The following ATE1 variants were observed in gnomAD, a reference collection of about 807,000 sequenced individuals.
ATE1 encodes the protein arginyl-tRNA--protein transferase 1.
ATE1 carries 36 observed loss-of-function variants against 70.5 expected under a neutral mutation model. That is an observed-to-expected ratio of 0.51 (90% CI 0.39 to 0.67). The LOEUF is 0.67. Ranked by LOEUF, ATE1 falls within the 30% of genes least tolerant of loss-of-function variation. The pLI is 0.00. For synonymous variants in ATE1, 232 were observed against 219.3 expected, an observed-to-expected ratio of 1.06 and a Z score of -0.51; for missense variants, 593 against 629.5, an observed-to-expected ratio of 0.94 and a Z score of 0.62.
chr10:121,878,602 AG>A (rs1310733660), intron 7 of ATE1, among the ~76,000 whole-genome samples: 1 of 148,152 alleles, frequency 6.7e-6, no homozygotes, highest in Non-Finnish European at 1.5e-5. Flanking sequence ...CAAAAAAAAA[AG>A]AAAAGAAAAG....
intron 10 of ATE1, among the ~76,000 whole-genome samples, chr10:121,827,377 G>A (rs1033020716): frequency 1.3e-5 from 2 of 152,032 alleles, no homozygotes; most frequent in Non-Finnish European, 2.9e-5. Flanking sequence ...ACTGCTGATG[G>A]CCCGCAATTC....
At chr10:121,746,053 T>C (rs1944357739) in intron 11 of ATE1, among the ~76,000 whole-genome samples, 1 of 152,116 alleles carries the variant, frequency 6.6e-6, no homozygotes, top group African/African-American at 2.4e-5. Context: ...TGCTAACCCT[T>C]CCCTTTGCGC....
At chr10:121,789,874 G>A (rs1456088050) in intron 11 of ATE1, among the ~76,000 whole-genome samples, 1 of 152,074 alleles carries the variant, frequency 6.6e-6, no homozygotes, top group Non-Finnish European at 1.5e-5. Context: ...CGTGATAGTT[G>A]GAAAAGATAT....
intron 8 of ATE1, among the ~76,000 whole-genome samples, chr10:121,864,959 C>T (rs1324294693): frequency 6.6e-6 from 1 of 152,132 alleles, no homozygotes; most frequent in Non-Finnish European, 1.5e-5. Flanking sequence ...GCTGATAGTA[C>T]CAAGGTTGAG....
chr10:121,908,740 C>A (rs573120920), intron 5 of ATE1, among the ~76,000 whole-genome samples: 19 of 152,292 alleles, frequency 1.2e-4, no homozygotes, highest in East Asian at 9.7e-4. Flanking sequence ...TGATCTTGCC[C>A]ATCCTCAAAT....
intron 11 of ATE1, among the ~76,000 whole-genome samples, chr10:121,745,260 A>G (rs956252575): frequency 6.6e-6 from 1 of 152,238 alleles, no homozygotes; most frequent in Non-Finnish European, 1.5e-5. Flanking sequence ...TCTACTTCTA[A>G]GAACAATCCT....
At chr10:121,778,060 C>A (rs1292903315) in intron 11 of ATE1, among the ~76,000 whole-genome samples, 1 of 152,166 alleles carries the variant, frequency 6.6e-6, no homozygotes, top group Non-Finnish European at 1.5e-5. Flanking sequence ...CTTTAATGAG[C>A]TGAATGCTAA....
At chr10:121,823,078 CAGG>C (rs1947862992) in intron 10 of ATE1, among the ~76,000 whole-genome samples, 1 of 152,094 alleles carries the variant, frequency 6.6e-6, no homozygotes, top group African/African-American at 2.4e-5. Flanking sequence ...ATCACAAGGT[CAGG>C]AGATCGAGAC....
At chr10:121,894,014 G>A (rs1950674607) in intron 7 of ATE1, among the ~76,000 whole-genome samples, 2 of 152,012 alleles carry the variant, frequency 1.3e-5, no homozygotes, top group Non-Finnish European at 2.9e-5. Flanking sequence ...GCACACGCCT[G>A]TAATCCCAGC....
At chr10:121,862,655 T>C (rs1427842357) in intron 8 of ATE1, among the ~76,000 whole-genome samples, 1 of 147,140 alleles carries the variant, frequency 6.8e-6, no homozygotes, top group Admixed American at 7.1e-5. Context: ...ATTACAAGCA[T>C]GAGCTAACGC....
At chr10:121,906,771 G>A (rs1951212492) in intron 5 of ATE1, among the ~76,000 whole-genome samples, 1 of 151,854 alleles carries the variant, frequency 6.6e-6, no homozygotes, top group Admixed American at 6.6e-5. Context: ...GCTAATTTTT[G>A]TATTTTTAAT....
At chr10:121,792,365 A>G (rs923993826) in intron 10 of ATE1, among the ~76,000 whole-genome samples, 1 of 152,150 alleles carries the variant, frequency 6.6e-6, no homozygotes, top group African/African-American at 2.4e-5. Flanking sequence ...GGCTTGTTGG[A>G]TAAGAGGGAG....
Position 121,790,006 on chromosome 10 carries a change from A to G in ATE1, c.1378+163T>C, listed in dbSNP as rs74158447. ...TGCCAAACTGCGTGAGTTTGTGTGC[A>G]TGTGCAAAGTCTTCCTCTATCTTAC... On this transcript the variant is annotated intron_variant, in intron 11 of 11. Coordinates refer to ENST00000224652, the MANE Select transcript of ATE1 (RefSeq NM_001001976.3). Among the ~76,000 whole-genome samples the G allele has an allele frequency of 7.4e-3, 1,056 of 142,790 alleles. 13 individuals carry two copies. Among genetic ancestry groups the G allele is most frequent in the African/African-American group, 0.025 (975 of 38,384 alleles). The allele number at this position is 142,790 out of a possible 152,430, so 93.7% of individuals were successfully genotyped here.
chr10:121,790,954 A>ATT (rs1946408690), intron 10 of ATE1, among the ~76,000 whole-genome samples: 1 of 58,732 alleles, frequency 1.7e-5, no homozygotes, highest in African/African-American at 5.7e-5. Flanking sequence ...ATATATGTGT[A>ATT]TATATATATG....
intron 1 of ATE1, chr10:121,927,103 G>C (rs1296533031): frequency 2.0e-6 from 2 of 985,192 alleles, no homozygotes; most frequent in Non-Finnish European, 2.4e-6. Flanking sequence ...GCAAATGCAT[G>C]GCAAGAGAGG....
At chr10:121,771,251 A>G (rs1173195678) in intron 11 of ATE1, among the ~76,000 whole-genome samples, 1 of 152,076 alleles carries the variant, frequency 6.6e-6, no homozygotes, top group East Asian at 1.9e-4. Context: ...TTGTATTTTT[A>G]GTAGAGACGG....
rs181710556 is a variant in ATE1 at position 121,803,275 on chromosome 10, C to T, written c.1258-12986G>A. Among the ~76,000 whole-genome samples the T allele has an allele frequency of 2.6e-3, 398 of 152,248 alleles. 1 individual carries two copies. The highest frequency in any genetic ancestry group is 9.1e-3 in the African/African-American group (380 of 41,552). ...TCAGTTAAGCTGATTTCTGTCCAAT[C>T]GTATTTCTTAAAAAGAGAGAACCAC... On this transcript the variant is annotated intron_variant, in intron 10 of 11. Coordinates refer to ENST00000224652, the MANE Select transcript of ATE1 (RefSeq NM_001001976.3).
intron 3 of ATE1, among the ~76,000 whole-genome samples, chr10:121,918,024 G>T (rs900431848): frequency 6.6e-6 from 1 of 152,100 alleles, no homozygotes; most frequent in South Asian, 2.1e-4. Flanking sequence ...GAGTAAATAT[G>T]GAAAATGACT....
intron 10 of ATE1, among the ~76,000 whole-genome samples, chr10:121,794,456 A>C (rs1468510491): frequency 6.6e-6 from 1 of 151,996 alleles, no homozygotes; most frequent in African/African-American, 2.4e-5. Flanking sequence ...AAATTTTTTA[A>C]TTAGCTGGGC....
Sources: allele counts gnomAD v4.1 joint callset (sites outside exome capture counted in the v4.1 genomes callset), GRCh38; gene constraint gnomAD v4.1.1; transcripts MANE v1.5; gene names NCBI Gene and HGNC (gene_info 2026-07-23, HGNC 2026-07-21).